Variants in ZNF232 observed in about 807,000 individuals in gnomAD.
ZNF232 encodes the protein zinc finger protein 232.
In ZNF232, 25 loss-of-function variants were observed where a neutral mutation model predicts 25.2. The observed-to-expected ratio is 0.99, with a 90% CI of 0.72 to 1.39. The LOEUF is 1.39. Ranked by LOEUF, ZNF232 falls within the 40% of genes most tolerant of loss-of-function variation. The probability of loss-of-function intolerance (pLI) is 0.00; values close to 1 mark genes in which losing one functional copy is unlikely to be tolerated. For synonymous variants in ZNF232, 193 were observed against 182.9 expected, an observed-to-expected ratio of 1.06 and a Z score of -0.45; for missense variants, 519 against 520.9, an observed-to-expected ratio of 1.00 and a Z score of 0.04.
chr17:5,120,907 T>C, intron 1 of ZNF232: 1 of 454,474 alleles, frequency 2.2e-6, no homozygotes, highest in South Asian at 1.6e-5. Flanking sequence ...TGGAAACCAG[T>C]TGGACCAGCC....
chr17:5,108,694 C>T (rs2072320987), intron 3 of ZNF232: 1 of 500,460 alleles, frequency 2.0e-6, no homozygotes, highest in East Asian at 4.6e-5. Context: ...CCAGATAAGA[C>T]CCAAGTTGAG....
At chr17:5,117,555 A>T (rs1364862897) in intron 1 of ZNF232, among the ~76,000 whole-genome samples, 4 of 151,946 alleles carry the variant, frequency 2.6e-5, no homozygotes, top group Non-Finnish European at 5.9e-5. Flanking sequence ...TTTACAGCAC[A>T]AGTGAATAAA....
At chr17:5,119,027 A>AAGTG (rs1457454087) in intron 1 of ZNF232, among the ~76,000 whole-genome samples, 1 of 152,218 alleles carries the variant, frequency 6.6e-6, no homozygotes, top group African/African-American at 2.4e-5. Context: ...TTTCGGCTCA[A>AAGTG]AGATGGGGTT....
chr17:5,119,079 C>A (rs749213187), intron 1 of ZNF232, among the ~76,000 whole-genome samples: 10 of 152,184 alleles, frequency 6.6e-5, no homozygotes, highest in Non-Finnish European at 1.3e-4. Flanking sequence ...TTCTCAACTT[C>A]ATGTCCTGCC....
chr17:5,108,918 C>G lies in ZNF232; in HGVS notation c.625+8G>C. On this transcript the variant is annotated splice_region_variant and intron_variant, in intron 3 of 3. Transcript: ENST00000575898. ...TCCTCTCCCTCCCCACAGAATCCTGCTCCTCACCACTCTTTGGGAAAGGCT... is the reference window on the plus strand; with the variant it reads ...TCCTCTCCCTCCCCACAGAATCCTGGTCCTCACCACTCTTTGGGAAAGGCT... 1 of 1,613,912 alleles carries G rather than the reference C, an allele frequency of 6.2e-7. No homozygotes were observed. Among genetic ancestry groups the G allele is most frequent in the Non-Finnish European group, 8.5e-7 (1 of 1,179,882 alleles).
chr17:5,116,785 T>C (rs573739361), upstream of ZNF232: 3 of 152,396 alleles, frequency 2.0e-5, no homozygotes, highest in African/African-American at 7.2e-5. Flanking sequence ...TAGTTTCTTA[T>C]GTATAAAACA....
At chr17:5,111,929 G>A (rs2072425325), upstream of ZNF232, 8 of 1,475,406 alleles carry the variant, frequency 5.4e-6, no homozygotes, top group East Asian at 1.5e-4. Context: ...CCTCCTCGCC[G>A]CCGGCTTCCG....
chr17:5,112,168 C>G (rs2072432860), upstream of ZNF232: 1 of 397,676 alleles, frequency 2.5e-6, no homozygotes, highest in Non-Finnish European at 4.5e-6. Context: ...GGAATTGTAC[C>G]TGAAGGGCGG....
chr17:5,107,584 G>T, intron 3 of ZNF232, among the ~76,000 whole-genome samples: 1 of 149,106 alleles, frequency 6.7e-6, no homozygotes. Flanking sequence ...TGTTGCCCAG[G>T]CTGGAGTGTA....
intron 1 of ZNF232, among the ~76,000 whole-genome samples, chr17:5,117,515 CA>C (rs59282298): frequency 0.028 from 1,717 of 61,944 alleles, 22 homozygotes; most frequent in African/African-American, 0.064. Flanking sequence ...GACTCCGTCT[CA>C]AAAAAAAAAA....
At chr17:5,107,092 G>GA (rs2072277290) in intron 3 of ZNF232, among the ~76,000 whole-genome samples, 1 of 151,620 alleles carries the variant, frequency 6.6e-6, no homozygotes, top group South Asian at 2.1e-4. Context: ...CCTTAAAAAG[G>GA]GAAAAAGAGT....
At chr17:5,111,505 C>T in intron 1 of ZNF232, 1 of 478,370 alleles carries the variant, frequency 2.1e-6, no homozygotes, top group Admixed American at 3.9e-5. Context: ...GGCAGGTGCC[C>T]GCCCGGGGAG....
Position 5,121,421 on chromosome 17 carries a change from A to G in ZNF232, c.-530+1556T>C, listed in dbSNP as rs529684988. ...GTGGCCACCAACACAGAGGCCCTGC[A>G]GAGCGGCAGGATAGAGATATGGAGC... On this transcript the variant is annotated intron_variant, in intron 1 of 4. Transcript: ENST00000250076. 9 of 322,164 alleles carry G rather than the reference A, an allele frequency of 2.8e-5. No homozygotes were observed. The East Asian group carries it at 7.3e-4, about 26-fold the overall frequency. The allele number at this position is 322,164 out of a possible 1,614,324, so 20.0% of individuals were successfully genotyped here.
chr17:5,109,792 C>G (rs1263651581), exon 2 of ZNF232: 1 of 1,614,210 alleles, frequency 6.2e-7, no homozygotes, highest in Admixed American at 1.7e-5. Flanking sequence ...GTTTCAGCTG[C>G]TGTTAGTGAT....
chr17:5,112,708 T>C (rs928737667), upstream of ZNF232, among the ~76,000 whole-genome samples: 27 of 151,932 alleles, frequency 1.8e-4, no homozygotes, highest in Non-Finnish European at 1.8e-4. Context: ...CGTCTCGGCC[T>C]CCCAAAGTGC....
intron 1 of ZNF232, among the ~76,000 whole-genome samples, chr17:5,117,973 G>A (rs1384103674): frequency 6.6e-6 from 1 of 151,780 alleles, no homozygotes; most frequent in East Asian, 1.9e-4. Flanking sequence ...GGAGGCTGAG[G>A]CAGGAGAATC....
upstream of ZNF232, chr17:5,113,908 G>T (rs749798624): frequency 2.0e-5 from 3 of 152,116 alleles, no homozygotes; most frequent in Non-Finnish European, 4.4e-5. Flanking sequence ...TTTTCCTGTG[G>T]TGTGGAACCT....
At chr17:5,109,032 T>C in exon 3 of ZNF232, 3 of 1,614,046 alleles carry the variant, frequency 1.9e-6, no homozygotes, top group Non-Finnish European at 2.5e-6. Context: ...CCTGTGCAGG[T>C]CCATGTGCAG....
chr17:5,113,542 G>A (rs1004522690), upstream of ZNF232: 7 of 152,206 alleles, frequency 4.6e-5, no homozygotes, highest in African/African-American at 1.7e-4. Context: ...AGAAGACAAT[G>A]GGTCCTATGA....
Sources: gnomAD v4.1 joint callset for allele counts (sites outside exome capture counted in the v4.1 genomes callset) on GRCh38, gnomAD v4.1.1 for gene constraint, MANE v1.5 for transcripts, NCBI Gene and HGNC (gene_info 2026-07-23, HGNC 2026-07-21) for gene names.